The following PAPOLG variants were observed in gnomAD, a reference collection of about 807,000 sequenced individuals.
The protein encoded by PAPOLG is PAP-gamma.
PAPOLG carries 40 observed loss-of-function variants against 99.0 expected under a neutral mutation model. That is an observed-to-expected ratio of 0.40 (90% CI 0.31 to 0.53). The LOEUF is 0.53. Ranked by LOEUF, PAPOLG falls within the 20% of genes least tolerant of loss-of-function variation. The pLI is 0.41. For missense variants in PAPOLG, 675 were observed against 884.1 expected (o/e 0.76, Z 3.00); for synonymous variants, 310 against 299.3 (o/e 1.04, Z -0.37).
At chr2:60,784,272 G>T (rs926391224) in intron 13 of PAPOLG, among the ~76,000 whole-genome samples, 2 of 152,146 alleles carry the variant, frequency 1.3e-5, no homozygotes, top group Non-Finnish European at 2.9e-5. Context: ...CACCCGGCCT[G>T]AGTTTTTCAT....
At chr2:60,790,813 GT>G (rs1671508544) in intron 15 of PAPOLG, among the ~76,000 whole-genome samples, 1 of 152,340 alleles carries the variant, frequency 6.6e-6, no homozygotes, top group South Asian at 2.1e-4. Flanking sequence ...AGAAGGCCAG[GT>G]GCAGTGGTTC....
At position 60,798,783 on chromosome 2, in the gene PAPOLG, C is replaced by T. The variant is rs1377106548; in HGVS notation, c.*1623C>T. On this transcript the variant is annotated 3_prime_UTR_variant, in exon 22 of 22. Transcript: ENST00000238714. ...TGCCAGAGAGCCGTATCCTCCAGGT[C>T]CCACTCCTGTTCATTGCCCCTTAGG... is the stretch of plus-strand genomic sequence containing the variant. 6.6e-6 allele frequency: 1 copy of T among 152,326 alleles called. No homozygotes were observed. Among genetic ancestry groups the T allele is most frequent in the African/African-American group, 2.4e-5 (1 of 41,442 alleles). The allele number at this position is 152,326 out of a possible 1,614,324, so 9.4% of individuals were successfully genotyped here.
In PAPOLG at chr2:60,794,070, A is replaced by G; in HGVS notation, c.1868A>G (p.Asn623Ser). 2 of 1,614,104 alleles carry G rather than the reference A, an allele frequency of 1.2e-6. No homozygotes were observed. The highest frequency in any genetic ancestry group is 1.7e-6 in the Non-Finnish European group (2 of 1,179,998). Residue 623 changes from asparagine to serine, a missense_variant, in exon 19 of 22, where the codon AAC becomes AGC. Asn to Ser is a conservative substitution (Grantham distance 46, BLOSUM62 1). Transcript: ENST00000238714. ...ATTCCTAGAATCACAACACCTCACAACCCTGCCCAGGGACAACCGCATCTG... is the reference window on the plus strand; with the variant it reads ...ATTCCTAGAATCACAACACCTCACAGCCCTGCCCAGGGACAACCGCATCTG... ...NVIPRITTPH[N>S]PAQGQPHLNG...
At chr2:60,767,297 G>C (rs191951679) in intron 3 of PAPOLG, among the ~76,000 whole-genome samples, 11 of 151,888 alleles carry the variant, frequency 7.2e-5, no homozygotes, top group Admixed American at 4.6e-4. Flanking sequence ...ATGGGCTTTT[G>C]GAACTAGCTC....
At chr2:60,768,670 A>T in intron 4 of PAPOLG, 111 bp from the exon 5 acceptor site, 1 of 1,337,600 alleles carries the variant, frequency 7.5e-7, no homozygotes, top group South Asian at 1.4e-5. Context: ...CATTGTTAAC[A>T]TTTTCTTGTA....
At chr2:60,761,994 A>G (rs1212848783) in intron 3 of PAPOLG, among the ~76,000 whole-genome samples, 187 bp downstream of exon 3, 1 of 152,238 alleles carries the variant, frequency 6.6e-6, no homozygotes, top group African/African-American at 2.4e-5. Flanking sequence ...AGTAGCCAAT[A>G]TATAGCTGTG....
At chr2:60,783,385 C>T (rs753323124) in intron 13 of PAPOLG, among the ~76,000 whole-genome samples, 176 bp downstream of exon 13, 37 of 132,534 alleles carry the variant, frequency 2.8e-4, no homozygotes, top group Non-Finnish European at 2.3e-4. Context: ...TGCAGTGTCG[C>T]GATCTCAGTT....
chr2:60,783,122 C>CT (rs200261384), intron 12 of PAPOLG, 34 bp from the exon 13 acceptor site: 14 of 1,525,900 alleles, frequency 9.2e-6, no homozygotes, highest in South Asian at 6.8e-5. Context: ...ATTTTTCTGG[C>CT]TTTTTTTCCT....
intron 10 of PAPOLG, 168 bp from the exon 11 acceptor site, chr2:60,781,717 A>G (rs2103800646): frequency 5.5e-6 from 2 of 364,094 alleles, no homozygotes; most frequent in Non-Finnish European, 7.6e-6. Context: ...ACTATCAGAC[A>G]TATCCAACTT....
chr2:60,778,008 G>A (rs1671072914), intron 8 of PAPOLG, among the ~76,000 whole-genome samples: 1 of 152,202 alleles, frequency 6.6e-6, no homozygotes, highest in Admixed American at 6.5e-5. Flanking sequence ...CATGAAGTGA[G>A]AGCTTATGCT....
chr2:60,791,311 G>A (rs1353318808), intron 15 of PAPOLG, among the ~76,000 whole-genome samples: 1 of 152,218 alleles, frequency 6.6e-6, no homozygotes, highest in Non-Finnish European at 1.5e-5. Flanking sequence ...ACCACTTTGG[G>A]AGGCCGAGGT....
chr2:60,792,359 C>A (rs1671565784), intron 17 of PAPOLG, 70 bp downstream of exon 17: 5 of 1,346,562 alleles, frequency 3.7e-6, no homozygotes, highest in Non-Finnish European at 5.2e-6. Context: ...GTGAACTTTT[C>A]TATACCTCTG....
chr2:60,762,320 A>G (rs946829000), intron 3 of PAPOLG, among the ~76,000 whole-genome samples: 8 of 152,072 alleles, frequency 5.3e-5, no homozygotes, highest in Admixed American at 2.6e-4. Context: ...ATTTATAACT[A>G]CACAACCTTT....
In PAPOLG at chr2:60,791,823, G is replaced by T. The variant is rs1384220052; in HGVS notation, c.1459G>T (p.Val487Leu). 1 of 1,613,772 alleles carries T rather than the reference G, an allele frequency of 6.2e-7. No homozygotes were observed. Among genetic ancestry groups the T allele is most frequent in the East Asian group, 2.2e-5 (1 of 44,866 alleles). ...GGGAATGAAAATTGAAGCAACTCAT[G>T]TAAAGAAAAAACAACTTCACCACTA... is the stretch of plus-strand genomic sequence containing the variant. ...KEGMKIEATH[V>L]KKKQLHHYLP... The change falls in exon 16 of 22, where the codon GTA becomes TTA. Residue 487 changes from valine to leucine, a missense_variant. By Grantham distance (32) the Val-to-Leu change is conservative. Coordinates refer to ENST00000238714, the MANE Select transcript of PAPOLG (RefSeq NM_022894.4).
At chr2:60,793,771 C>A in intron 18 of PAPOLG, 56 bp downstream of exon 18, 1 of 1,543,380 alleles carries the variant, frequency 6.5e-7, no homozygotes, top group South Asian at 1.2e-5. Context: ...ATTAGCTAGG[C>A]ATGGTGGCAC....
chr2:60,773,942 T>A (rs909052356), intron 7 of PAPOLG, among the ~76,000 whole-genome samples: 2 of 152,188 alleles, frequency 1.3e-5, no homozygotes, highest in Non-Finnish European at 2.9e-5. Context: ...TTTTTTCAGG[T>A]GAAACTGGTG....
chr2:60,768,624 A>G (rs1380253638), intron 4 of PAPOLG, 73 bp downstream of exon 4: 33 of 1,404,248 alleles, frequency 2.4e-5, no homozygotes, highest in Non-Finnish European at 3.1e-5. Context: ...AATGTAGGAG[A>G]ACAAAGTTCC....
Position 60,768,869 on chromosome 2 carries a change from A to G in PAPOLG, c.417A>G (p.Gln139=). 6.3e-7 allele frequency: 1 copy of G among 1,595,184 alleles called. No homozygotes were observed. The highest frequency in any genetic ancestry group is 8.6e-7 in the Non-Finnish European group (1 of 1,168,894). Residue 139 remains glutamine (Q), a synonymous_variant, in exon 5 of 22, where the codon CAA becomes CAG. Coordinates refer to ENST00000238714, the MANE Select transcript of PAPOLG (RefSeq NM_022894.4). ...FQSFFEKLKH[Q]DGIRNLRAVE... ...CTTTTTTTGAAAAATTGAAACATCA[A>G]GATGGCATTAGAAACTTAAGAGTAA...
intron 3 of PAPOLG, among the ~76,000 whole-genome samples, chr2:60,765,939 C>T (rs770554277): frequency 2.6e-5 from 4 of 152,014 alleles, no homozygotes; most frequent in East Asian, 3.9e-4. Flanking sequence ...CATAACAAGA[C>T]TCTGTCTCTT....
Sources: gnomAD v4.1 joint callset for allele counts (sites outside exome capture counted in the v4.1 genomes callset) on GRCh38, gnomAD v4.1.1 for gene constraint, MANE v1.5 for transcripts, NCBI Gene and HGNC (gene_info 2026-07-23, HGNC 2026-07-21) for gene names.